Variants in CD163L1 observed in about 807,000 individuals in gnomAD.
The protein encoded by CD163L1 is CD163 molecule like 1, also known as scavenger receptor cysteine-rich type 1 protein M160.
In CD163L1, 124 loss-of-function variants were observed where a neutral mutation model predicts 165.4. That is an observed-to-expected ratio of 0.75 (90% CI 0.65 to 0.87). The LOEUF (loss-of-function observed/expected upper bound fraction) is 0.87, where lower values mean the gene tolerates loss of function less well. CD163L1 is among the 40% of genes least tolerant of loss of function. CD163L1 has a pLI of 0.00. For missense variants in CD163L1, 1,525 were observed against 1,799.9 expected (o/e 0.85, Z 2.76); for synonymous variants, 585 against 662.2 (o/e 0.88, Z 1.79).
chr12:7,354,224 C>T (rs1174781699), downstream of CD163L1, among the ~76,000 whole-genome samples: 1 of 151,906 alleles, frequency 6.6e-6, no homozygotes, highest in Non-Finnish European at 1.5e-5. Context: ...TGTTTTACAT[C>T]TCTTGTAACA....
At chr12:7,339,868 G>A in the CD163L1 span, among the ~76,000 whole-genome samples, 1 of 152,284 alleles carries the variant, frequency 6.6e-6, no homozygotes, top group East Asian at 1.9e-4. Flanking sequence ...TCTCCAGGAA[G>A]TGGTTATAAA....
the CD163L1 span, among the ~76,000 whole-genome samples, chr12:7,339,675 A>G: frequency 3.9e-5 from 6 of 151,986 alleles, no homozygotes; most frequent in South Asian, 4.2e-4. Flanking sequence ...ACTTCTCTCT[A>G]GAGAGAATAT....
chr12:7,396,865 A>C (rs1947788864), intron 7 of CD163L1, among the ~76,000 whole-genome samples: 1 of 152,058 alleles, frequency 6.6e-6, no homozygotes, highest in Admixed American at 6.6e-5. Context: ...ACAGAGAGAG[A>C]GAGAGAGAAG....
chr12:7,328,507 G>A, the CD163L1 span: 1 of 665,568 alleles, frequency 1.5e-6, no homozygotes, highest in Non-Finnish European at 2.2e-6. Flanking sequence ...TGATTTTTTG[G>A]TTTTTACTTA....
chr12:7,344,099 T>G (rs1275164196), downstream of CD163L1, among the ~76,000 whole-genome samples: 1 of 151,782 alleles, frequency 6.6e-6, no homozygotes, highest in Non-Finnish European at 1.5e-5. Context: ...TTGTTTTTTT[T>G]GAGACAGGGT....
chr12:7,421,054 T>TATATAC (rs1948351993), intron 4 of CD163L1, among the ~76,000 whole-genome samples: 1 of 95,446 alleles, frequency 1.0e-5, no homozygotes, highest in Non-Finnish European at 1.8e-5. Context: ...TATATGTATA[T>TATATAC]ACGTATATAT....
intron 8 of CD163L1, among the ~76,000 whole-genome samples, chr12:7,388,961 A>T (rs536194754): frequency 6.6e-6 from 1 of 151,904 alleles, no homozygotes; most frequent in Non-Finnish European, 1.5e-5. Context: ...TCTGAATAGT[A>T]CTCCTTTGTG....
chr12:7,389,445 T>C (rs1165638092), intron 8 of CD163L1, among the ~76,000 whole-genome samples: 1 of 152,134 alleles, frequency 6.6e-6, no homozygotes, highest in Non-Finnish European at 1.5e-5. Flanking sequence ...CACTTATTTC[T>C]GGGATCTAAA....
At chr12:7,404,973 G>C (rs1947988675) in intron 5 of CD163L1, among the ~76,000 whole-genome samples, 1 of 151,598 alleles carries the variant, frequency 6.6e-6, no homozygotes, top group Non-Finnish European at 1.5e-5. Flanking sequence ...TTTTTGTTTG[G>C]GAAAAAAAAA....
chr12:7,373,146 T>C (rs1443199388), intron 14 of CD163L1, among the ~76,000 whole-genome samples, 174 bp downstream of exon 14: 1 of 152,228 alleles, frequency 6.6e-6, no homozygotes, highest in Non-Finnish European at 1.5e-5. Context: ...CCCTGTAAAA[T>C]ACTAAACCAA....
chr12:7,326,869 A>T, the CD163L1 span: 12 of 1,283,012 alleles, frequency 9.4e-6, no homozygotes, highest in South Asian at 2.0e-4. Flanking sequence ...CAGTCATCAC[A>T]CAAACTGTTA....
intron 1 of CD163L1, among the ~76,000 whole-genome samples, chr12:7,443,082 T>C (rs1163468118): frequency 6.6e-6 from 1 of 152,200 alleles, no homozygotes; most frequent in Admixed American, 6.5e-5. Context: ...CACACATGAA[T>C]TATGAAGAAC....
the CD163L1 span, among the ~76,000 whole-genome samples, chr12:7,332,892 C>T: frequency 2.0e-5 from 3 of 152,130 alleles, no homozygotes; most frequent in African/African-American, 7.2e-5. Context: ...GCAAAATAAC[C>T]AGCTAACATC....
intron 2 of CD163L1, among the ~76,000 whole-genome samples, chr12:7,434,537 AC>A (rs2136637768): frequency 6.6e-6 from 1 of 152,310 alleles, no homozygotes; most frequent in South Asian, 2.1e-4. Context: ...TTTTAAAGCA[AC>A]CATGAGTTTT....
intron 4 of CD163L1, among the ~76,000 whole-genome samples, chr12:7,421,574 C>CATATACATGT (rs1202707771): frequency 8.4e-6 from 1 of 118,996 alleles, no homozygotes; most frequent in African/African-American, 3.5e-5. Context: ...TACATATATA[C>CATATACATGT]ATGTACATAT....
the CD163L1 span, among the ~76,000 whole-genome samples, chr12:7,327,498 A>G: frequency 6.6e-6 from 1 of 152,200 alleles, no homozygotes; most frequent in Non-Finnish European, 1.5e-5. Context: ...GACCTCATTT[A>G]GTGTTCAGAA....
At position 7,373,332 on chromosome 12, in the gene CD163L1, T is replaced by C. The variant is rs1489378265; in HGVS notation, c.3718A>G (p.Ile1240Val). ...GAAAGATACCCACCTTCACATGTGA[T>C]CCAGGTCTCTTCTGCTGGGCTGGAG... Reference protein sequence around the residue: ...RISSPAEETWITCEDRIRVRG... With the variant: ...RISSPAEETWVTCEDRIRVRG... The change falls in exon 14 of 20, where the codon ATC (isoleucine) becomes GTC (valine). Residue 1240 changes from isoleucine to valine, a missense_variant. Transcript: ENST00000313599. 6.2e-7 allele frequency: 1 copy of C among 1,610,682 alleles called. No individual in the cohort carries two copies. Among genetic ancestry groups the C allele is most frequent in the African/African-American group, 1.3e-5 (1 of 74,846 alleles).
intron 4 of CD163L1, among the ~76,000 whole-genome samples, chr12:7,409,693 G>C (rs183074895): frequency 1.3e-3 from 193 of 152,282 alleles, no homozygotes; most frequent in African/African-American, 4.1e-3. Flanking sequence ...CTGTCGTAAA[G>C]GGTACATTTC....
chr12:7,324,108 G>A, the CD163L1 span, among the ~76,000 whole-genome samples: 5 of 151,868 alleles, frequency 3.3e-5, no homozygotes, highest in African/African-American at 1.2e-4. Flanking sequence ...AGCCCAGGAG[G>A]TCGAGGCTGC....
Sources: allele counts gnomAD v4.1 joint callset (sites outside exome capture counted in the v4.1 genomes callset), GRCh38; gene constraint gnomAD v4.1.1; transcripts MANE v1.5; gene names NCBI Gene and HGNC (gene_info 2026-07-23, HGNC 2026-07-21).